TFDP2: variants seen among roughly 807,000 people sequenced by gnomAD.
The protein encoded by TFDP2 is transcription factor Dp-2 (E2F dimerization partner 2).
TFDP2 carries 17 observed loss-of-function variants against 59.3 expected under a neutral mutation model. The observed-to-expected ratio is 0.29, with a 90% CI of 0.20 to 0.43. TFDP2 has a LOEUF of 0.43. Ranked by LOEUF, TFDP2 falls within the 20% of genes least tolerant of loss-of-function variation. TFDP2 has a pLI of 1.00. For missense variants in TFDP2, 391 were observed against 528.8 expected, an observed-to-expected ratio of 0.74 and a Z score of 2.56; for synonymous variants, 180 against 194.7, an observed-to-expected ratio of 0.92 and a Z score of 0.63.
At chr3:142,000,476 C>T in intron 4 of TFDP2, 2 of 517,814 alleles carry the variant, frequency 3.9e-6, no homozygotes, top group Non-Finnish European at 6.9e-6. Flanking sequence ...CTCTTAATAC[C>T]ACCACAGTAG....
chr3:142,104,483 C>T (rs1454841079), intron 1 of TFDP2, among the ~76,000 whole-genome samples: 1 of 152,114 alleles, frequency 6.6e-6, no homozygotes, highest in Non-Finnish European at 1.5e-5. Context: ...TATATGCTAT[C>T]ACCAAGGGGA....
intron 2 of TFDP2, among the ~76,000 whole-genome samples, chr3:142,094,596 C>T (rs1410926436): frequency 3.3e-5 from 5 of 152,114 alleles, no homozygotes; most frequent in East Asian, 1.9e-4. Context: ...TCAGTCACCA[C>T]GCCCAGCCCT....
At chr3:141,996,329 C>T (rs557856992) in intron 4 of TFDP2, among the ~76,000 whole-genome samples, 4 of 152,210 alleles carry the variant, frequency 2.6e-5, no homozygotes, top group African/African-American at 9.6e-5. Context: ...ACATGATTGG[C>T]CCCTATGTGG....
intron 3 of TFDP2, among the ~76,000 whole-genome samples, chr3:142,017,075 G>A (rs902320359): frequency 2.6e-5 from 4 of 151,956 alleles, no homozygotes; most frequent in South Asian, 2.1e-4. Context: ...TCTTATTCCC[G>A]TTTCCTTCAA....
At chr3:142,127,034 G>T (rs1286487452) in intron 1 of TFDP2, among the ~76,000 whole-genome samples, 1 of 148,014 alleles carries the variant, frequency 6.8e-6, no homozygotes, top group African/African-American at 2.5e-5. Flanking sequence ...TATATATACA[G>T]ATATCTTATA....
intron 6 of TFDP2, among the ~76,000 whole-genome samples, chr3:141,988,455 T>C (rs1017491750): frequency 2.0e-5 from 3 of 152,102 alleles, no homozygotes; most frequent in Non-Finnish European, 4.4e-5. Flanking sequence ...TAAAAGCTAC[T>C]GTGGAAGTCC....
chr3:142,023,851 C>A (rs547117610), intron 3 of TFDP2, among the ~76,000 whole-genome samples: 1 of 151,768 alleles, frequency 6.6e-6, no homozygotes, highest in South Asian at 2.1e-4. Context: ...TTGCCTAGGC[C>A]GGAGTGCAGT....
chr3:142,099,345 TTGCTATCCA>T (rs897978346), intron 2 of TFDP2, among the ~76,000 whole-genome samples: 2 of 152,186 alleles, frequency 1.3e-5, no homozygotes, highest in African/African-American at 4.8e-5. Flanking sequence ...CCTTATATAT[TTGCTATCCA>T]TGCACTCACT....
At chr3:142,043,973 T>C in intron 3 of TFDP2, 2 of 732,368 alleles carry the variant, frequency 2.7e-6, no homozygotes, top group Non-Finnish European at 5.0e-6. Flanking sequence ...CCTATGCCAC[T>C]GTGCCTGCCT....
At chr3:142,023,126 A>T (rs1945771966) in intron 3 of TFDP2, among the ~76,000 whole-genome samples, 1 of 130,260 alleles carries the variant, frequency 7.7e-6, no homozygotes, top group Non-Finnish European at 1.9e-5. Context: ...CCGTCTCAAA[A>T]AAAAAAAAAA....
intron 3 of TFDP2, among the ~76,000 whole-genome samples, chr3:142,058,059 C>T (rs896531915): frequency 8.5e-5 from 13 of 152,160 alleles, no homozygotes; most frequent in African/African-American, 2.4e-4. Flanking sequence ...TTCACAGAAA[C>T]GGAGATAAGG....
chr3:142,044,487 G>T (rs1455359087), intron 3 of TFDP2, among the ~76,000 whole-genome samples: 1 of 152,036 alleles, frequency 6.6e-6, no homozygotes, highest in Non-Finnish European at 1.5e-5. Context: ...GCCCATCTCG[G>T]CTTCCCAAAG....
chr3:142,040,924 C>G (rs1946933931), intron 3 of TFDP2, among the ~76,000 whole-genome samples: 1 of 152,074 alleles, frequency 6.6e-6, no homozygotes, highest in Non-Finnish European at 1.5e-5. Flanking sequence ...AATCAAGACT[C>G]TAAAGCAACC....
chr3:141,980,528 AAT>A, intron 6 of TFDP2, among the ~76,000 whole-genome samples: 1 of 151,960 alleles, frequency 6.6e-6, no homozygotes, highest in South Asian at 2.1e-4. Context: ...TGGACCCATT[AAT>A]ATGTTTGTGT....
rs183659995 is a variant in TFDP2, at chr3:142,132,659, C to T, written c.-93+16524G>A. On this transcript the variant is annotated intron_variant, in intron 1 of 12. Coordinates refer to ENST00000489671, the MANE Select transcript of TFDP2 (RefSeq NM_001178139.2). ...ACTTGGGAGGCTGAGGCAGGAGAAT[C>T]GCTTGCACCCGGGAGGCAGAGGTTG... Among the ~76,000 whole-genome samples the T allele has an allele frequency of 1.0e-4, 15 of 147,886 alleles. 2 individuals carry two copies. Among genetic ancestry groups the T allele is most frequent in the African/African-American group, 2.6e-4 (10 of 38,250 alleles).
chr3:141,946,694 C>T lies in TFDP2; in HGVS notation c.*5819G>A, dbSNP rs1470410540. The T allele has an allele frequency of 6.6e-6, 1 of 152,076 alleles. No individual in the cohort carries two copies. The highest frequency in any genetic ancestry group is 1.5e-5 in the Non-Finnish European group (1 of 68,018). The allele number at this position is 152,076 out of a possible 1,614,324, so 9.4% of individuals were successfully genotyped here. On this transcript the variant is annotated 3_prime_UTR_variant, in exon 13 of 13. Coordinates refer to ENST00000489671, the MANE Select transcript of TFDP2 (RefSeq NM_001178139.2). Reference sequence around the variant, plus strand: ...GGTTAAGGGACTACTTCCTGAGAAACGTTATAATTTATGTGGGTATTGAGC... The same window carrying T: ...GGTTAAGGGACTACTTCCTGAGAAATGTTATAATTTATGTGGGTATTGAGC...
chr3:142,011,434 C>A (rs1301202503), intron 3 of TFDP2, among the ~76,000 whole-genome samples: 1 of 111,566 alleles, frequency 9.0e-6, no homozygotes, highest in Non-Finnish European at 1.8e-5. Context: ...ACTCTGGGGA[C>A]TGTGGTGGGG....
intron 1 of TFDP2, among the ~76,000 whole-genome samples, chr3:142,132,874 T>C: frequency 7.2e-6 from 1 of 138,482 alleles, no homozygotes; most frequent in Non-Finnish European, 1.5e-5. Context: ...AATAGAAAAA[T>C]ATATGATATT....
At chr3:141,975,899 G>A (rs1037087136) in intron 7 of TFDP2, among the ~76,000 whole-genome samples, 1 of 151,976 alleles carries the variant, frequency 6.6e-6, no homozygotes. Flanking sequence ...CTATTTTTCC[G>A]AGACAGAGTC....
Sources: gnomAD v4.1 joint callset for allele counts (sites outside exome capture counted in the v4.1 genomes callset) on GRCh38, gnomAD v4.1.1 for gene constraint, MANE v1.5 for transcripts, NCBI Gene and HGNC (gene_info 2026-07-23, HGNC 2026-07-21) for gene names.